CADM2: variants seen among roughly 807,000 people sequenced by gnomAD.
CADM2 encodes cell adhesion molecule 2.
Under a neutral mutation model 49.8 loss-of-function variants are expected in CADM2, and 12 were observed. That is an observed-to-expected ratio of 0.24 (90% CI 0.15 to 0.39). CADM2 has a LOEUF of 0.39. CADM2 is among the 10% of genes least tolerant of loss of function. CADM2 has a pLI of 1.00. For synonymous variants in CADM2, 214 were observed against 175.4 expected (o/e 1.22, Z -1.74); for missense variants, 378 against 492.3 (o/e 0.77, Z 2.20).
chr3:85,231,224 C>G (rs1476537620), intron 1 of CADM2, among the ~76,000 whole-genome samples: 1 of 152,124 alleles, frequency 6.6e-6, no homozygotes, highest in Non-Finnish European at 1.5e-5. Flanking sequence ...ACCCATAACA[C>G]TGAGACAATT....
intron 1 of CADM2, among the ~76,000 whole-genome samples, chr3:85,146,582 T>C (rs1240099170): frequency 6.6e-6 from 1 of 152,248 alleles, no homozygotes; most frequent in East Asian, 1.9e-4. Context: ...TTTATATCAA[T>C]AGTAATTACT....
intron 1 of CADM2, among the ~76,000 whole-genome samples, chr3:85,232,157 A>C (rs2107815146): frequency 7.0e-6 from 1 of 142,362 alleles, no homozygotes; most frequent in African/African-American, 3.0e-5. Context: ...TATTATTATT[A>C]TTATTATTTA....
chr3:85,056,967 G>A (rs145552107), intron 1 of CADM2, among the ~76,000 whole-genome samples: 12 of 152,228 alleles, frequency 7.9e-5, no homozygotes, highest in Non-Finnish European at 1.2e-4. Flanking sequence ...GAATCGGTGT[G>A]AGGGTAATCC....
chr3:85,626,442 T>C (rs1318636922), intron 1 of CADM2, among the ~76,000 whole-genome samples: 1 of 151,858 alleles, frequency 6.6e-6, no homozygotes, highest in Non-Finnish European at 1.5e-5. Context: ...TTATCTTTCT[T>C]TTTCTCAAAA....
intron 1 of CADM2, among the ~76,000 whole-genome samples, chr3:85,074,891 T>A (rs554459135): frequency 2.0e-5 from 3 of 151,060 alleles, no homozygotes; most frequent in Admixed American, 1.3e-4. Flanking sequence ...CTTCCATTTT[T>A]AAAAATCCTA....
chr3:85,163,650 C>CTTTT (rs1471270309), intron 1 of CADM2, among the ~76,000 whole-genome samples: 1 of 152,020 alleles, frequency 6.6e-6, no homozygotes, highest in Non-Finnish European at 1.5e-5. Flanking sequence ...TGTGTTAAAA[C>CTTTT]ATAAAGACTA....
chr3:85,842,504 T>G (rs1382000017), intron 3 of CADM2, among the ~76,000 whole-genome samples: 1 of 152,130 alleles, frequency 6.6e-6, no homozygotes, highest in Non-Finnish European at 1.5e-5. Context: ...GAGACTTATC[T>G]TCTTGGGCCA....
chr3:86,006,822 C>T (rs1284733479), intron 8 of CADM2, among the ~76,000 whole-genome samples: 1 of 151,954 alleles, frequency 6.6e-6, no homozygotes, highest in African/African-American at 2.4e-5. Context: ...GGGCAGATCA[C>T]CTGAGGTCAG....
intron 1 of CADM2, among the ~76,000 whole-genome samples, chr3:85,371,259 C>T (rs1490322886): frequency 6.6e-6 from 1 of 152,100 alleles, no homozygotes; most frequent in Non-Finnish European, 1.5e-5. Flanking sequence ...CAGTCACTGA[C>T]ACACCCAGAG....
At chr3:85,440,087 ATG>A (rs554560982) in intron 1 of CADM2, among the ~76,000 whole-genome samples, 151 of 152,292 alleles carry the variant, frequency 9.9e-4, no homozygotes, top group Non-Finnish European at 1.7e-3. Flanking sequence ...CTTAGAGTAA[ATG>A]TGTTTTCTAT....
chr3:85,564,939 A>G (rs868438910), intron 1 of CADM2, among the ~76,000 whole-genome samples: 5 of 152,146 alleles, frequency 3.3e-5, no homozygotes, highest in African/African-American at 1.2e-4. Flanking sequence ...TCAGCATTTT[A>G]TAAAGACACA....
intron 1 of CADM2, among the ~76,000 whole-genome samples, chr3:85,579,456 A>G (rs1291499599): frequency 6.6e-6 from 1 of 152,140 alleles, no homozygotes; most frequent in African/African-American, 2.4e-5. Flanking sequence ...AGCAATTTCA[A>G]CATGCACAAG....
chr3:85,342,184 C>T (rs2029917965), intron 1 of CADM2, among the ~76,000 whole-genome samples: 2 of 151,788 alleles, frequency 1.3e-5, no homozygotes, highest in East Asian at 1.9e-4. Flanking sequence ...CAAACAACCC[C>T]ATCAAAAAAT....
intron 1 of CADM2, among the ~76,000 whole-genome samples, chr3:85,503,616 CAACACCGTATTGT>C (rs1208291277): frequency 6.6e-6 from 1 of 152,160 alleles, no homozygotes; most frequent in Admixed American, 6.5e-5. Flanking sequence ...TATGAACTGT[CAACACCGTATTGT>C]ATATTTCCCT....
intron 1 of CADM2, among the ~76,000 whole-genome samples, chr3:85,419,636 C>A (rs73845499): frequency 6.6e-6 from 1 of 152,134 alleles, no homozygotes; most frequent in South Asian, 2.1e-4. Flanking sequence ...TCTCTTCTCC[C>A]TACTCCTACA....
At chr3:85,276,239 T>C (rs1410843195) in intron 1 of CADM2, among the ~76,000 whole-genome samples, 1 of 151,316 alleles carries the variant, frequency 6.6e-6, no homozygotes, top group African/African-American at 2.4e-5. Flanking sequence ...CTTGAATTCT[T>C]CTCTTAACTA....
At chr3:85,240,177 G>T (rs2042498326) in intron 1 of CADM2, among the ~76,000 whole-genome samples, 1 of 151,292 alleles carries the variant, frequency 6.6e-6, no homozygotes, top group African/African-American at 2.4e-5. Flanking sequence ...TTATGTTGTT[G>T]CTTTATTTGT....
At chr3:85,329,906 A>C (rs183942349) in intron 1 of CADM2, among the ~76,000 whole-genome samples, 217 of 152,240 alleles carry the variant, frequency 1.4e-3, no homozygotes, top group African/African-American at 5.0e-3. Context: ...TGAGAATAAG[A>C]GTTTTAGTTT....
At chr3:85,244,327 C>G (rs2042600992) in intron 1 of CADM2, among the ~76,000 whole-genome samples, 1 of 152,016 alleles carries the variant, frequency 6.6e-6, no homozygotes, top group Admixed American at 6.6e-5. Flanking sequence ...CAGCCAAAAA[C>G]CTTGCACAGT....
Sources: gnomAD v4.1 joint callset for allele counts (sites outside exome capture counted in the v4.1 genomes callset) on GRCh38, gnomAD v4.1.1 for gene constraint, MANE v1.5 for transcripts, NCBI Gene and HGNC (gene_info 2026-07-23, HGNC 2026-07-21) for gene names.